Variants in UCMA observed in about 807,000 individuals in gnomAD.
UCMA encodes the protein upper zone of growth plate and cartilage matrix-associated protein.
In UCMA, 21 loss-of-function variants were observed where a neutral mutation model predicts 21.8. That is an observed-to-expected ratio of 0.97 (90% CI 0.68 to 1.39). The LOEUF (loss-of-function observed/expected upper bound fraction) is 1.39, where lower values mean the gene tolerates loss of function less well. Ranked by LOEUF, UCMA falls within the 40% of genes most tolerant of loss-of-function variation. The pLI, the probability that UCMA is intolerant of heterozygous loss-of-function variation, is 0.00. For missense variants in UCMA, 193 were observed against 178.9 expected, an observed-to-expected ratio of 1.08 and a Z score of -0.45; for synonymous variants, 76 against 67.9, an observed-to-expected ratio of 1.12 and a Z score of -0.58.
At chr10:13,233,355 G>A (rs1285267004) in intron 3 of UCMA, among the ~76,000 whole-genome samples, 183 bp downstream of exon 3, 1 of 151,740 alleles carries the variant, frequency 6.6e-6, no homozygotes, top group Non-Finnish European at 1.5e-5. Flanking sequence ...TCCAATATAC[G>A]ACCTACAGTC....
rs961217723 is a variant in UCMA at position 13,233,479 on chromosome 10, C to T, written c.220+59G>A. Reference sequence around the variant, plus strand: ...CGGCTGACTGTGGGAGAGGAGGAGCCGGGGGGTGTGAGCAGAGGTGGTGAT... The same window carrying T: ...CGGCTGACTGTGGGAGAGGAGGAGCTGGGGGGTGTGAGCAGAGGTGGTGAT... On this transcript the variant is annotated intron_variant, in intron 3 of 4. Transcript: ENST00000378681. 24 of 1,394,016 alleles carry T rather than the reference C, an allele frequency of 1.7e-5. 1 individual carries two copies. Among genetic ancestry groups the T allele is most frequent in the African/African-American group, 2.8e-5 (2 of 70,500 alleles). The allele number at this position is 1,394,016 out of a possible 1,614,324, so 86.4% of individuals were successfully genotyped here.
At chr10:13,233,947 A>G (rs1460648320) in intron 1 of UCMA, 147 bp from the exon 2 acceptor site, 4 of 1,040,606 alleles carry the variant, frequency 3.8e-6, no homozygotes, top group South Asian at 3.3e-5. Context: ...TGCAGAGCCA[A>G]TCTCCCCAGG....
chr10:13,222,048 C>CG lies in UCMA; in HGVS notation c.*54dup. The stretch of plus-strand genomic sequence containing the variant: ...TTGCATGGGAAAGATTGCTGGAACA[C>CG]GGGGATGCCAATGGTGCTACAAGCT... On this transcript the variant is annotated 3_prime_UTR_variant, in exon 5 of 5. Transcript: ENST00000378681. 3.1e-6 allele frequency: 5 copies of CG among 1,590,910 alleles called. No homozygotes were observed. Among genetic ancestry groups the CG allele is most frequent in the Non-Finnish European group, 4.3e-6 (5 of 1,159,896 alleles).
At chr10:13,222,224 C>T (rs1834767538) in intron 4 of UCMA, 24 bp from the exon 5 acceptor site, 1 of 1,609,578 alleles carries the variant, frequency 6.2e-7, no homozygotes, top group South Asian at 1.1e-5. Flanking sequence ...ACAAAGCCAC[C>T]TGTTAGGACA....
At chr10:13,234,173 C>G (rs761414345) in intron 1 of UCMA, 28 bp downstream of exon 1, 1 of 1,596,626 alleles carries the variant, frequency 6.3e-7, no homozygotes, top group Admixed American at 1.7e-5. Flanking sequence ...GTAACTAACA[C>G]CCTCCACCTT....
At chr10:13,223,438 T>C (rs140170867) in intron 4 of UCMA, among the ~76,000 whole-genome samples, 36 of 152,304 alleles carry the variant, frequency 2.4e-4, no homozygotes, top group African/African-American at 8.4e-4. Flanking sequence ...AGGAATGAAG[T>C]TCTGGCACAT....
At chr10:13,226,864 T>C (rs978149773) in intron 4 of UCMA, among the ~76,000 whole-genome samples, 1 of 152,138 alleles carries the variant, frequency 6.6e-6, no homozygotes, top group African/African-American at 2.4e-5. Flanking sequence ...CCTGAATTCA[T>C]CAAGAAAGGG....
intron 4 of UCMA, among the ~76,000 whole-genome samples, chr10:13,224,898 T>C (rs114630791): frequency 6.4e-4 from 98 of 152,268 alleles, no homozygotes; most frequent in African/African-American, 2.2e-3. Flanking sequence ...AGGTACTTGA[T>C]AGCCCAGGGG....
At chr10:13,233,901 G>T in intron 1 of UCMA, 101 bp from the exon 2 acceptor site, 1 of 1,429,046 alleles carries the variant, frequency 7.0e-7, no homozygotes, top group Non-Finnish European at 9.5e-7. Flanking sequence ...TCCTGCCAGG[G>T]CCTGGCAGGG....
chr10:13,233,623 C>T lies in UCMA; in HGVS notation c.135G>A (p.Gln45=), dbSNP rs767861412. The T allele has an allele frequency of 1.9e-6, 3 of 1,614,170 alleles. No individual in the cohort carries two copies. Among genetic ancestry groups the T allele is most frequent in the Non-Finnish European group, 2.5e-6 (3 of 1,180,036 alleles). ...CATCTGATTCCTGCATGAAAATCTT[C>T]TGTTTTGCATCTGAAACCCGGGAGA... The part of the protein sequence containing the change: ...AGEEASEDAK[Q]KIFMQESDAS... Residue 45 remains glutamine, a synonymous_variant, in exon 3 of 5, where the codon CAG becomes CAA. Coordinates refer to ENST00000378681, the MANE Select transcript of UCMA (RefSeq NM_145314.3).
At chr10:13,227,206 C>G (rs1426482985) in intron 4 of UCMA, among the ~76,000 whole-genome samples, 1 of 152,238 alleles carries the variant, frequency 6.6e-6, no homozygotes, top group African/African-American at 2.4e-5. Flanking sequence ...CCTGCAGCAC[C>G]TGACCCAGGG....
At chr10:13,227,849 G>C (rs1264222922) in intron 4 of UCMA, among the ~76,000 whole-genome samples, 2 of 151,080 alleles carry the variant, frequency 1.3e-5, no homozygotes, top group African/African-American at 4.9e-5. Context: ...GACCCTTGAG[G>C]GTACTTCACA....
intron 4 of UCMA, among the ~76,000 whole-genome samples, chr10:13,225,113 G>A (rs1374089253): frequency 6.6e-6 from 1 of 152,024 alleles, no homozygotes; most frequent in Admixed American, 6.6e-5. Flanking sequence ...AAGCAGAAGT[G>A]CAGTGGCACA....
chr10:13,224,136 C>T (rs1025336182), intron 4 of UCMA, among the ~76,000 whole-genome samples: 2 of 152,110 alleles, frequency 1.3e-5, no homozygotes, highest in Non-Finnish European at 2.9e-5. Flanking sequence ...CCAGCCTGAG[C>T]AGCGTTAGCA....
In UCMA at chr10:13,222,015, G is replaced by A; in HGVS notation, c.*88C>T. 1 of 1,431,566 alleles carries A rather than the reference G, an allele frequency of 7.0e-7. No homozygotes were observed. The highest frequency in any genetic ancestry group is 1.2e-5 in the South Asian group (1 of 83,524). The allele number at this position is 1,431,566 out of a possible 1,614,324, so 88.7% of individuals were successfully genotyped here. ...AGACCCCAAGCTGAGACCCTCTGAA[G>A]GGCCGGTTTGCATGGGAAAGATTGC... is the stretch of plus-strand genomic sequence containing the variant. On this transcript the variant is annotated 3_prime_UTR_variant, in exon 5 of 5. Transcript: ENST00000378681.
rs1336750015 is a variant in UCMA at position 13,233,754 on chromosome 10, C to T, written c.105G>A (p.Ala35=). 5.6e-6 allele frequency: 9 copies of T among 1,613,898 alleles called. No homozygotes were observed. Among genetic ancestry groups the T allele is most frequent in the Admixed American group, 1.7e-5 (1 of 59,978 alleles). The stretch of plus-strand genomic sequence containing the variant: ...ACTCACCTTCACTCGCCTCTTCTCC[C>T]GCCATCTGCATGGTGCCCACAGATA... ...TSVSVGTMQM[A]GEEASEDAKQ... is the part of the protein sequence containing the mutation. The change falls in exon 2 of 5, where the codon GCG becomes GCA. Residue 35 remains alanine, a synonymous_variant. Coordinates refer to ENST00000378681, the MANE Select transcript of UCMA (RefSeq NM_145314.3).
At chr10:13,225,228 T>C (rs1183770944) in intron 4 of UCMA, among the ~76,000 whole-genome samples, 2 of 152,050 alleles carry the variant, frequency 1.3e-5, no homozygotes, top group African/African-American at 4.8e-5. Context: ...TAATTTTTAA[T>C]AGAGACAAGG....
intron 4 of UCMA, among the ~76,000 whole-genome samples, chr10:13,225,313 C>A: frequency 6.7e-6 from 1 of 148,458 alleles, no homozygotes. Flanking sequence ...TCCCAGTGGG[C>A]ATTCCTTTTA....
intron 4 of UCMA, 110 bp downstream of exon 4, chr10:13,229,501 G>A (rs1386102168): frequency 3.4e-5 from 32 of 945,090 alleles, no homozygotes; most frequent in Admixed American, 8.0e-5. Context: ...GCAAGACTTC[G>A]TCTCAAAAAA....
Sources: gnomAD v4.1 joint callset for allele counts (sites outside exome capture counted in the v4.1 genomes callset) on GRCh38, gnomAD v4.1.1 for gene constraint, MANE v1.5 for transcripts, NCBI Gene and HGNC (gene_info 2026-07-23, HGNC 2026-07-21) for gene names.